The following CNTFR variants were observed in gnomAD, a reference collection of about 807,000 sequenced individuals.
The protein encoded by CNTFR is ciliary neurotrophic factor receptor.
In CNTFR, 12 loss-of-function variants were observed where a neutral mutation model predicts 40.4. The observed-to-expected ratio is 0.30, with a 90% CI of 0.19 to 0.48. The LOEUF is 0.48. Among genes scored for constraint, CNTFR ranks in the 20% least tolerant of loss-of-function variants. CNTFR has a pLI of 0.99. For missense variants in CNTFR, 414 were observed against 506.8 expected, an observed-to-expected ratio of 0.82 and a Z score of 1.76; for synonymous variants, 202 against 209.6, an observed-to-expected ratio of 0.96 and a Z score of 0.31.
Position 34,552,982 on chromosome 9 carries a change from C to G in CNTFR, c.769-128G>C. On this transcript the variant is annotated intron_variant, in intron 7 of 9. Transcript: ENST00000378980. This position sits in a 1 kb window ranked among gnomAD's most constrained non-coding sequence, Gnocchi z 5.1. ...GGGCTCTGGGGGCAGTGAGGACTTC[C>G]CTGAGGAGAAGGAGGACATGGAGAA... is the stretch of plus-strand genomic sequence containing the variant. 3.7e-6 allele frequency: 3 copies of G among 812,660 alleles called. No homozygotes were observed. Among genetic ancestry groups the G allele is most frequent in the Non-Finnish European group, 5.9e-6 (3 of 509,152 alleles). 50.3% of individuals were successfully genotyped at this position (812,660 alleles called of 1,614,324 possible).
At chr9:34,574,598 G>A (rs1047331716) in intron 2 of CNTFR, among the ~76,000 whole-genome samples, 1 of 152,224 alleles carries the variant, frequency 6.6e-6, no homozygotes, top group Non-Finnish European at 1.5e-5. Context: ...GAGGCAGGGG[G>A]AGTGGTCCCC....
chr9:34,569,052 C>G (rs1826453239), intron 2 of CNTFR, 71 bp from the exon 3 acceptor site: 1 of 1,416,110 alleles, frequency 7.1e-7, no homozygotes, highest in African/African-American at 1.4e-5. Context: ...GGAGCCCCTC[C>G]TGTTCTCAGG....
At chr9:34,568,137 G>C (rs1432838016) in intron 3 of CNTFR, 1 of 152,238 alleles carries the variant, frequency 6.6e-6, no homozygotes, top group Non-Finnish European at 1.5e-5. Flanking sequence ...CAGGCAGGGA[G>C]CTTAGGAAGC....
At position 34,557,629 on chromosome 9, in the gene CNTFR, G is replaced by A. The variant is rs1279479404; in HGVS notation, c.501C>T (p.Arg167=). 11 of 1,614,108 alleles carry A rather than the reference G, an allele frequency of 6.8e-6. No individual in the cohort carries two copies. The highest frequency in any genetic ancestry group is 1.3e-5 in the African/African-American group (1 of 74,928). ...DPALKNRCHI[R]YMHLFSTIKY... The stretch of plus-strand genomic sequence containing the variant: ...TGATGGTGGAGAACAGGTGCATGTA[G>A]CGAATGTGGCAGCGGTTCTTGAGGG... Residue 167 remains arginine (R), a synonymous_variant, in exon 6 of 10, where the codon CGC becomes CGT. Transcript: ENST00000378980. The surrounding 1 kb of genome is among the most constrained non-coding windows in gnomAD (Gnocchi z 4.2).
In CNTFR at chr9:34,557,026, G is replaced by C. The variant is rs377360886; in HGVS notation, c.604+500C>G. Among the ~76,000 whole-genome samples, 2 of 151,798 alleles carry C rather than the reference G, an allele frequency of 1.3e-5. No individual in the cohort carries two copies. The highest frequency in any genetic ancestry group is 1.9e-4 in the East Asian group (1 of 5,160). Reference sequence around the variant, plus strand: ...AAGACAGGGGCAGGCAGAAGGTCTGGCTGGGGCGGGGGAATAGCAGGCAGA... The same window carrying C: ...AAGACAGGGGCAGGCAGAAGGTCTGCCTGGGGCGGGGGAATAGCAGGCAGA... On this transcript the variant is annotated intron_variant, in intron 6 of 9. Coordinates refer to ENST00000378980, the MANE Select transcript of CNTFR (RefSeq NM_147164.3). This position sits in a 1 kb window ranked among gnomAD's most constrained non-coding sequence, Gnocchi z 4.2.
At chr9:34,564,854 G>A (rs1826216846) in intron 3 of CNTFR, 22 bp from the exon 4 acceptor site, 1 of 1,606,794 alleles carries the variant, frequency 6.2e-7, no homozygotes. Flanking sequence ...GGGGGCACAG[G>A]GCAAAAGTCA....
At chr9:34,556,917 G>A (rs1426786189) in intron 6 of CNTFR, among the ~76,000 whole-genome samples, 3 of 152,192 alleles carry the variant, frequency 2.0e-5, no homozygotes, top group African/African-American at 7.2e-5. Context: ...TCTGGAGGTA[G>A]GCTGGGGATC....
At chr9:34,583,178 G>A (rs1466215113) in intron 1 of CNTFR, among the ~76,000 whole-genome samples, 2 of 152,222 alleles carry the variant, frequency 1.3e-5, no homozygotes, top group Admixed American at 6.5e-5. Context: ...GAGGCTGAGA[G>A]AATGTGAGCT....
chr9:34,573,818 C>T (rs547113003), intron 2 of CNTFR, among the ~76,000 whole-genome samples: 32 of 152,352 alleles, frequency 2.1e-4, no homozygotes, highest in Non-Finnish European at 2.6e-4. Context: ...CTGATTCAAA[C>T]GCCTGGGGAC....
intron 1 of CNTFR, among the ~76,000 whole-genome samples, chr9:34,586,587 G>GC (rs1346683572): frequency 6.6e-6 from 1 of 152,114 alleles, no homozygotes; most frequent in African/African-American, 2.4e-5. Context: ...CCCCCACCTG[G>GC]CCCTTCTCTA....
intron 1 of CNTFR, among the ~76,000 whole-genome samples, chr9:34,587,674 C>G (rs1012504398): frequency 1.3e-5 from 2 of 152,098 alleles, no homozygotes; most frequent in African/African-American, 4.8e-5. Context: ...AAATGTGAGC[C>G]CCATGTTCCC....
chr9:34,585,329 C>T (rs1827494558), intron 1 of CNTFR, among the ~76,000 whole-genome samples: 1 of 152,134 alleles, frequency 6.6e-6, no homozygotes, highest in African/African-American at 2.4e-5. Context: ...ACTGACTACC[C>T]TGGGGTCTGG....
chr9:34,586,818 A>T (rs1214420800), intron 1 of CNTFR, among the ~76,000 whole-genome samples: 1 of 152,178 alleles, frequency 6.6e-6, no homozygotes, highest in Non-Finnish European at 1.5e-5. Context: ...GAGGGACGTG[A>T]CCAAATGTGT....
intron 2 of CNTFR, among the ~76,000 whole-genome samples, chr9:34,570,650 ACAGT>A (rs1292783007): frequency 2.0e-5 from 3 of 152,172 alleles, no homozygotes; most frequent in Non-Finnish European, 4.4e-5. Context: ...TGTCAGACAC[ACAGT>A]CAGACACACT....
intron 3 of CNTFR, among the ~76,000 whole-genome samples, chr9:34,568,617 C>T (rs1408071770): frequency 1.3e-5 from 2 of 152,254 alleles, no homozygotes; most frequent in Middle Eastern, 6.8e-3. Flanking sequence ...CCCGCCCCAG[C>T]CTCCCCCGTC....
chr9:34,576,819 G>T (rs1354208997), intron 2 of CNTFR, among the ~76,000 whole-genome samples: 1 of 152,206 alleles, frequency 6.6e-6, no homozygotes, highest in Non-Finnish European at 1.5e-5. Context: ...CCACGATGCG[G>T]ATCGGCAGCA....
chr9:34,561,479 G>C (rs902506729), intron 4 of CNTFR, among the ~76,000 whole-genome samples: 4 of 152,138 alleles, frequency 2.6e-5, no homozygotes, highest in Non-Finnish European at 4.4e-5. Flanking sequence ...TTCCTAATGT[G>C]GGGGGTCCTT....
chr9:34,575,836 T>C (rs1826933503), intron 2 of CNTFR, among the ~76,000 whole-genome samples: 3 of 152,266 alleles, frequency 2.0e-5, no homozygotes, highest in African/African-American at 7.2e-5. Context: ...TTCTGTTCTC[T>C]CTGCCCCCTA....
intron 2 of CNTFR, among the ~76,000 whole-genome samples, chr9:34,574,088 G>C (rs913873059): frequency 6.4e-4 from 98 of 152,142 alleles, no homozygotes; most frequent in African/African-American, 2.3e-3. Flanking sequence ...CCTGGACAGC[G>C]TGGGCGGTGG....
Sources: gnomAD v4.1 joint callset for allele counts (sites outside exome capture counted in the v4.1 genomes callset) on GRCh38, gnomAD v4.1.1 for gene constraint, Gnocchi (gnomAD v3.1) non-coding constraint, MANE v1.5 for transcripts, NCBI Gene and HGNC (gene_info 2026-07-23, HGNC 2026-07-21) for gene names.